The following EPS8 variants were observed in gnomAD, a reference collection of about 807,000 sequenced individuals.
EPS8 encodes epidermal growth factor receptor kinase substrate 8.
EPS8 carries 42 observed loss-of-function variants against 103.8 expected under a neutral mutation model. The ratio of observed to expected loss-of-function variants is 0.40; its 90% confidence interval spans 0.32 to 0.52. The LOEUF (loss-of-function observed/expected upper bound fraction) is 0.52, where lower values mean the gene tolerates loss of function less well. Ranked by LOEUF, EPS8 falls within the 20% of genes least tolerant of loss-of-function variation. The pLI is 0.40. For synonymous variants in EPS8, 344 were observed against 344.6 expected (o/e 1.00, Z 0.02); for missense variants, 969 against 1,005.1 (o/e 0.96, Z 0.49).
At chr12:15,630,090 C>T (rs550849341) in intron 18 of EPS8, among the ~76,000 whole-genome samples, 7 of 152,110 alleles carry the variant, frequency 4.6e-5, no homozygotes, top group Middle Eastern at 6.8e-3. Context: ...ATAGAATGAA[C>T]TACAGTAAAA....
chr12:15,658,393 C>T, intron 11 of EPS8, 104 bp downstream of exon 11: 1 of 919,392 alleles, frequency 1.1e-6, no homozygotes, highest in Non-Finnish European at 1.7e-6. Flanking sequence ...CCCACAAAAT[C>T]TATAAAAACA....
intron 17 of EPS8, among the ~76,000 whole-genome samples, chr12:15,636,816 A>G (rs1343278223): frequency 6.6e-6 from 1 of 152,210 alleles, no homozygotes; most frequent in African/African-American, 2.4e-5. Context: ...ATTTTCCTAA[A>G]TTATAAAATA....
chr12:15,782,490 ACT>A (rs930165918), intron 1 of EPS8, among the ~76,000 whole-genome samples: 1 of 152,038 alleles, frequency 6.6e-6, no homozygotes, highest in African/African-American at 2.4e-5. Flanking sequence ...TGACAGTGAG[ACT>A]CTGTCTCAAA....
chr12:15,696,196 TA>T lies in EPS8; in HGVS notation c.-21-13225del, dbSNP rs1321584444. Among the ~76,000 whole-genome samples the T allele has an allele frequency of 6.6e-6, 1 of 152,194 alleles. No individual in the cohort carries two copies. Among genetic ancestry groups the T allele is most frequent in the Non-Finnish European group, 1.5e-5 (1 of 68,032 alleles). The stretch of plus-strand genomic sequence containing the variant: ...CAGTACTCTGTTGACAAAAAATATG[TA>T]AAAATAATTCTGAATGAGAATGCTA... On this transcript the variant is annotated intron_variant, in intron 1 of 20. Transcript: ENST00000281172. This position sits in a 1 kb window ranked among gnomAD's most constrained non-coding sequence, Gnocchi z 4.8.
In EPS8 at chr12:15,787,156, G is replaced by C. The variant is rs1947320056; in HGVS notation, c.-22+2005C>G. Reference sequence around the variant, plus strand: ...ACTATGTTTTCTTATACAAACCTTGGTTCAAGTGACCTGCTGCAGAATTAA... The same window carrying C: ...ACTATGTTTTCTTATACAAACCTTGCTTCAAGTGACCTGCTGCAGAATTAA... On this transcript the variant is annotated intron_variant, in intron 1 of 20. Transcript: ENST00000281172. The surrounding 1 kb of genome is among the most constrained non-coding windows in gnomAD (Gnocchi z 4.9). Among the ~76,000 whole-genome samples the C allele has an allele frequency of 1.3e-5, 2 of 152,040 alleles. No individual in the cohort carries two copies. Among genetic ancestry groups the C allele is most frequent in the African/African-American group, 2.4e-5 (1 of 41,410 alleles).
chr12:15,771,786 A>G lies in EPS8; in HGVS notation c.-22+17375T>C, dbSNP rs1003254269. Among the ~76,000 whole-genome samples the G allele has an allele frequency of 5.3e-5, 8 of 152,128 alleles. No homozygotes were observed. Among genetic ancestry groups the G allele is most frequent in the African/African-American group, 1.9e-4 (8 of 41,430 alleles). On this transcript the variant is annotated intron_variant, in intron 1 of 20. Transcript: ENST00000281172. This position sits in a 1 kb window ranked among gnomAD's most constrained non-coding sequence, Gnocchi z 4.6. ...GAACTATTTTTGTGGCTAACTCATT[A>G]CAAAGAATTCTTTGTGGCAGTATTG...
In EPS8 at chr12:15,677,596, C is replaced by T. The variant is rs1018047835; in HGVS notation, c.136+3630G>A. Among the ~76,000 whole-genome samples, 19 of 152,110 alleles carry T rather than the reference C, an allele frequency of 1.2e-4. 1 individual carries two copies. The highest frequency in any genetic ancestry group is 2.5e-4 in the Non-Finnish European group (17 of 68,022). ...TAATTCTTGGAACATGATTTCAACT[C>T]GTTTAAAATTGTAAAAGGATAAATT... is the stretch of plus-strand genomic sequence containing the variant. On this transcript the variant is annotated intron_variant, in intron 3 of 20. Transcript: ENST00000281172.
chr12:15,707,034 C>A (rs1946396478), intron 1 of EPS8, among the ~76,000 whole-genome samples: 1 of 152,096 alleles, frequency 6.6e-6, no homozygotes, highest in South Asian at 2.1e-4. Context: ...GTATGCAAAA[C>A]CCCTATAGCA....
rs1946028923 is a variant in EPS8 at position 15,682,742 on chromosome 12, A to G, written c.59+151T>C. On this transcript the variant is annotated intron_variant, in intron 2 of 20. Coordinates refer to ENST00000281172, the MANE Select transcript of EPS8 (RefSeq NM_004447.6). ...TATCAGACATAGTAAACTTTTAATA[A>G]CATGTGTTGTAACAAAGATATTACA... The G allele has an allele frequency of 5.3e-6, 3 of 571,160 alleles. No homozygotes were observed. The South Asian group carries it at 6.4e-5, about 12-fold the overall frequency. The allele number at this position is 571,160 out of a possible 1,614,324, so 35.4% of individuals were successfully genotyped here.
At chr12:15,633,224 T>C (rs938345259) in intron 17 of EPS8, among the ~76,000 whole-genome samples, 4 of 152,222 alleles carry the variant, frequency 2.6e-5, no homozygotes, top group African/African-American at 9.7e-5. Context: ...AATCTTCCTA[T>C]ATTTGGGCCA....
At position 15,776,299 on chromosome 12, in the gene EPS8, C is replaced by T. The variant is rs1303411905; in HGVS notation, c.-22+12862G>A. Among the ~76,000 whole-genome samples the T allele has an allele frequency of 2.0e-5, 3 of 152,090 alleles. No homozygotes were observed. The highest frequency in any genetic ancestry group is 4.4e-5 in the Non-Finnish European group (3 of 68,008). ...GGGAAATAATACACTTCTGGCTGAA[C>T]TAGTTTATCTAGCCTTAAAAGTTAA... On this transcript the variant is annotated intron_variant, in intron 1 of 20. Coordinates refer to ENST00000281172, the MANE Select transcript of EPS8 (RefSeq NM_004447.6). This position sits in a 1 kb window ranked among gnomAD's most constrained non-coding sequence, Gnocchi z 4.2.
chr12:15,680,736 A>G (rs1317027799), intron 3 of EPS8, among the ~76,000 whole-genome samples: 1 of 152,178 alleles, frequency 6.6e-6, no homozygotes, highest in Non-Finnish European at 1.5e-5. Context: ...AATAGTATGT[A>G]TATGTGAGAC....
chr12:15,682,276 T>A (rs1369628065), intron 2 of EPS8, among the ~76,000 whole-genome samples: 1 of 152,208 alleles, frequency 6.6e-6, no homozygotes, highest in Non-Finnish European at 1.5e-5. Context: ...AAGAATTACA[T>A]TTTATTTTAT....
rs888788738 is a variant in EPS8 at position 15,772,714 on chromosome 12, G to A, written c.-22+16447C>T. On this transcript the variant is annotated intron_variant, in intron 1 of 20. Coordinates refer to ENST00000281172, the MANE Select transcript of EPS8 (RefSeq NM_004447.6). The surrounding 1 kb of genome is among the most constrained non-coding windows in gnomAD (Gnocchi z 5.0). ...AAGTGTAGATGGGTAACAAAGCAGA[G>A]GTAGATGTTAACCAGGAAAGAACAG... 6.6e-6 allele frequency among the ~76,000 whole-genome samples: 1 copy of A among 151,806 alleles called. No homozygotes were observed. The highest frequency in any genetic ancestry group is 1.5e-5 in the Non-Finnish European group (1 of 67,932).
rs1947106990 is a variant in EPS8 at position 15,767,144 on chromosome 12, T to A, written c.-22+22017A>T. ...TAAGAACAAGAGATTGCATGACTAC[T>A]TCTAATATTCTACTCAAAAAATAAC... On this transcript the variant is annotated intron_variant, in intron 1 of 20. Coordinates refer to ENST00000281172, the MANE Select transcript of EPS8 (RefSeq NM_004447.6). This position sits in a 1 kb window ranked among gnomAD's most constrained non-coding sequence, Gnocchi z 5.5. Among the ~76,000 whole-genome samples, 1 of 152,210 alleles carries A rather than the reference T, an allele frequency of 6.6e-6. No individual in the cohort carries two copies.
At chr12:15,763,721 T>C (rs1947064987) in intron 1 of EPS8, among the ~76,000 whole-genome samples, 1 of 152,198 alleles carries the variant, frequency 6.6e-6, no homozygotes, top group South Asian at 2.1e-4. Context: ...CCATCCTGTT[T>C]ATGAAATTTT....
In EPS8 at chr12:15,721,767, G is replaced by A. The variant is rs1413524109; in HGVS notation, c.-21-38795C>T. 6.6e-6 allele frequency among the ~76,000 whole-genome samples: 1 copy of A among 151,882 alleles called. No individual in the cohort carries two copies. Among genetic ancestry groups the A allele is most frequent in the Non-Finnish European group, 1.5e-5 (1 of 67,994 alleles). On this transcript the variant is annotated intron_variant, in intron 1 of 20. Transcript: ENST00000281172. This position sits in a 1 kb window ranked among gnomAD's most constrained non-coding sequence, Gnocchi z 4.4. ...AAGAAGTGCCTACAGGATTTCTAGT[G>A]TTTCATTCAGCACCAAATATCAGAC...
intron 1 of EPS8, among the ~76,000 whole-genome samples, chr12:15,741,638 G>A (rs1565526198): frequency 6.6e-6 from 1 of 152,190 alleles, no homozygotes; most frequent in Non-Finnish European, 1.5e-5. Context: ...AAAGCGTAAA[G>A]TCCACTGGGA....
chr12:15,726,427 G>A (rs943585370), intron 1 of EPS8, among the ~76,000 whole-genome samples: 1 of 152,114 alleles, frequency 6.6e-6, no homozygotes, highest in Admixed American at 6.6e-5. Flanking sequence ...TGGCTCAGAA[G>A]AGTTCAAATA....
Sources: gnomAD v4.1 joint callset for allele counts (sites outside exome capture counted in the v4.1 genomes callset) on GRCh38, gnomAD v4.1.1 for gene constraint, Gnocchi (gnomAD v3.1) non-coding constraint, MANE v1.5 for transcripts, NCBI Gene and HGNC (gene_info 2026-07-23, HGNC 2026-07-21) for gene names.